CEMP1: variants seen among roughly 807,000 people sequenced by gnomAD.
CEMP1 encodes cementum protein 1.
For synonymous variants in CEMP1, 161 were observed against 128.6 expected (o/e 1.25, Z -1.71); for missense variants, 387 against 316.9 (o/e 1.22, Z -1.68).
At chr16:2,530,368 C>CT in intron 1 of CEMP1, 1 of 1,614,212 alleles carries the variant, frequency 6.2e-7, no homozygotes, top group Non-Finnish European at 8.5e-7. Context: ...TCTGTGTCCC[C>CT]TTGGCCCTGG....
In CEMP1 at chr16:2,530,664, T is replaced by C. The variant is rs1567134963; in HGVS notation, c.410A>G (p.His137Arg). 8 of 1,614,120 alleles carry C rather than the reference T, an allele frequency of 5.0e-6. No homozygotes were observed. The highest frequency in any genetic ancestry group is 6.8e-6 in the Non-Finnish European group (8 of 1,180,022). Reference protein sequence around the residue: ...QTILSLWTWRHFLNWALQQRE... With the variant: ...QTILSLWTWRRFLNWALQQRE... ...CTGCTGCAAAGCCCAGTTAAGGAAA[T>C]GTCTCCAGGTCCAAAGAGATAGGAT... The change falls in exon 1 of 1, where the codon CAT (histidine) becomes CGT (arginine). Residue 137 changes from histidine (H) to arginine (R), a missense_variant. His to Arg is a conservative substitution (Grantham distance 29). Coordinates refer to ENST00000567119, the MANE Select transcript of CEMP1 (RefSeq NM_001048212.3).
At position 2,531,154 on chromosome 16, in the gene CEMP1, G is replaced by T. The variant is rs1183818558; in HGVS notation, c.-81C>A. The T allele has an allele frequency of 6.0e-6, 9 of 1,502,418 alleles. No homozygotes were observed. The South Asian group carries it at 1.0e-4, about 17-fold the overall frequency. The allele number at this position is 1,502,418 out of a possible 1,614,324, so 93.1% of individuals were successfully genotyped here. On this transcript the variant is annotated 5_prime_UTR_variant, in exon 1 of 1. Coordinates refer to ENST00000567119, the MANE Select transcript of CEMP1 (RefSeq NM_001048212.3). The stretch of plus-strand genomic sequence containing the variant: ...CCAGTCCAGAGCTGGTGAGCCCTGG[G>T]CCAGCCTTTGGGCCTGGCCTGCCCC...
Position 2,531,321 on chromosome 16 carries a change from C to A in CEMP1, c.-248G>T. 3.7e-6 allele frequency: 2 copies of A among 542,476 alleles called. 1 individual carries two copies. The highest frequency in any genetic ancestry group is 6.3e-5 in the South Asian group (2 of 31,554). 33.6% of individuals were successfully genotyped at this position (542,476 alleles called of 1,614,324 possible). On this transcript the variant is annotated 5_prime_UTR_variant, in exon 1 of 1. Coordinates refer to ENST00000567119, the MANE Select transcript of CEMP1 (RefSeq NM_001048212.3). ...AGAGAGCTGGGCCAGGGAGCTGCTG[C>A]AGGATGATTTTGAGGTGTGGGGGAA...
rs780787745 is a variant in CEMP1, at chr16:2,530,916, A to G, written c.158T>C (p.Leu53Pro). 5 of 1,613,312 alleles carry G rather than the reference A, an allele frequency of 3.1e-6. No individual in the cohort carries two copies. Among genetic ancestry groups the G allele is most frequent in the Non-Finnish European group, 4.2e-6 (5 of 1,179,976 alleles). ...CTTGACGGCCGCGCACCCCTTAGGA[A>G]GTGGCTGTCCAGCGCCTGCCTGTGC... Reference protein sequence around the residue: ...GPAQAGAGQPLPKGCAAVKAE... With the variant: ...GPAQAGAGQPPPKGCAAVKAE... The change falls in exon 1 of 1, where the codon CTT becomes CCT. Residue 53 changes from leucine to proline, a missense_variant. Leu to Pro is a moderately conservative substitution (Grantham distance 98). Coordinates refer to ENST00000567119, the MANE Select transcript of CEMP1 (RefSeq NM_001048212.3).
chr16:2,530,151 C>A lies in CEMP1; in HGVS notation c.*179G>T, dbSNP rs1368734856. 1 of 1,424,082 alleles carries A rather than the reference C, an allele frequency of 7.0e-7. No homozygotes were observed. Among genetic ancestry groups the A allele is most frequent in the Non-Finnish European group, 9.3e-7 (1 of 1,079,508 alleles). The allele number at this position is 1,424,082 out of a possible 1,614,324, so 88.2% of individuals were successfully genotyped here. On this transcript the variant is annotated 3_prime_UTR_variant, in exon 1 of 1. Coordinates refer to ENST00000567119, the MANE Select transcript of CEMP1 (RefSeq NM_001048212.3). ...TGACCTCCAGGAGGGAGACTGGGCC[C>A]GGGACCCCTGTTTTCTGCTCCCTGG...
In CEMP1 at chr16:2,530,388, A is replaced by G. The variant is rs748239195; in HGVS notation, c.686T>C (p.Met229Thr). ...GTCCCCTTGGCCCTGGCACACACCC[A>G]TGTGGCAAACACGGGCCGTGAGGCT... ...SGSLTARVCH[M>T]GVCQGQGDTE... The change falls in exon 1 of 1, where the codon ATG becomes ACG. Residue 229 changes from methionine (M) to threonine (T), a missense_variant. Met to Thr is a moderately conservative substitution (Grantham distance 81). Coordinates refer to ENST00000567119, the MANE Select transcript of CEMP1 (RefSeq NM_001048212.3). 1.2e-6 allele frequency: 2 copies of G among 1,614,128 alleles called. No individual in the cohort carries two copies. The highest frequency in any genetic ancestry group is 1.3e-5 in the African/African-American group (1 of 75,044).
Position 2,531,244 on chromosome 16 carries a change from G to C in CEMP1, c.-171C>G. On this transcript the variant is annotated 5_prime_UTR_variant, in exon 1 of 1. Transcript: ENST00000567119. The stretch of plus-strand genomic sequence containing the variant: ...GGGGAGGGGCTGGCAGAGATGGTTG[G>C]TCCACAGGGCTAGCCCTGGGTGGTG... 1.2e-6 allele frequency: 1 copy of C among 836,702 alleles called. No homozygotes were observed. Among genetic ancestry groups the C allele is most frequent in the Non-Finnish European group, 1.9e-6 (1 of 540,206 alleles). The allele number at this position is 836,702 out of a possible 1,614,324, so 51.8% of individuals were successfully genotyped here. A position where few individuals can be genotyped will look rare whatever the true frequency, so the allele number is the denominator to read the frequency against.
Position 2,530,461 on chromosome 16 carries a change from T to G in CEMP1, c.613A>C (p.Arg205=). Residue 205 remains arginine (R), a synonymous_variant, in exon 1 of 1, where the codon AGA becomes CGA. Transcript: ENST00000567119. ...LTSDPTVAVL[R]AKRAPEAHPP... ...TGGGCTTCTGGAGCCCTCTTGGCTC[T>G]GAGGACAGCCACAGTGGGGTCAGAC... 1 of 1,614,158 alleles carries G rather than the reference T, an allele frequency of 6.2e-7. No homozygotes were observed. Among genetic ancestry groups the G allele is most frequent in the Non-Finnish European group, 8.5e-7 (1 of 1,180,018 alleles).
In CEMP1 at chr16:2,531,194, G is replaced by T; in HGVS notation, c.-121C>A. ...TGGCCTGCCCCATTCACCGGCCAGCGCCCCACCTCCCTGGCTGGAGGGTCG... is the reference window on the plus strand; with the variant it reads ...TGGCCTGCCCCATTCACCGGCCAGCTCCCCACCTCCCTGGCTGGAGGGTCG... On this transcript the variant is annotated 5_prime_UTR_variant, in exon 1 of 1. Transcript: ENST00000567119. 7.7e-7 allele frequency: 1 copy of T among 1,302,616 alleles called. No homozygotes were observed. Among genetic ancestry groups the T allele is most frequent in the Non-Finnish European group, 1.0e-6 (1 of 956,824 alleles). 80.7% of individuals were successfully genotyped at this position (1,302,616 alleles called of 1,614,324 possible).
rs546298668 is a variant in CEMP1, at chr16:2,531,011, T to C, written c.63A>G (p.Thr21=). 6 of 1,612,428 alleles carry C rather than the reference T, an allele frequency of 3.7e-6. No individual in the cohort carries two copies. Among genetic ancestry groups the C allele is most frequent in the South Asian group, 1.1e-5 (1 of 91,002 alleles). The part of the protein sequence containing the change: ...AGHRRCSTSN[T]SAENLTCLSL... ...AGAGGCAGGTGAGGTTCTCAGCCGA[T>C]GTGTTAGAGGTTGAGCATCGCCTGT... The change falls in exon 1 of 1, where the codon ACA becomes ACG. Residue 21 remains threonine, a synonymous_variant. Transcript: ENST00000567119.
At position 2,531,118 on chromosome 16, in the gene CEMP1, A is replaced by AGACGG. The variant is rs1350770322; in HGVS notation, c.-50_-46dup. ...CTGGCATGTTGGTCATCCCCACCTC[A>AGACGG]GACGGGACGCCCAGTCCAGAGCTGG... On this transcript the variant is annotated 5_prime_UTR_variant, in exon 1 of 1. An upstream open reading frame in the 5' UTR loses its in-frame stop. Transcript: ENST00000567119. The AGACGG allele has an allele frequency of 6.5e-7, 1 of 1,537,562 alleles. No homozygotes were observed. Among genetic ancestry groups the AGACGG allele is most frequent in the South Asian group, 1.2e-5 (1 of 81,350 alleles).
rs1597002830 is a variant in CEMP1, at chr16:2,531,059, G to C, written c.15C>G (p.Ser5Arg). MGTS[S>R]TDSQQAGHRR... ...TGTGCCCAGCTTGCTGGCTGTCAGTGCTTGATGTGCCCATCCTCAGCTAAA... is the reference window on the plus strand; with the variant it reads ...TGTGCCCAGCTTGCTGGCTGTCAGTCCTTGATGTGCCCATCCTCAGCTAAA... The change falls in exon 1 of 1, where the codon AGC (serine) becomes AGG (arginine). Residue 5 changes from serine to arginine, a missense_variant. Transcript: ENST00000567119. The C allele has an allele frequency of 6.3e-7, 1 of 1,592,904 alleles. No homozygotes were observed. Among genetic ancestry groups the C allele is most frequent in the East Asian group, 2.2e-5 (1 of 44,476 alleles).
intron 1 of CEMP1, chr16:2,530,769 T>TG: frequency 6.2e-7 from 1 of 1,613,450 alleles, no homozygotes; most frequent in African/African-American, 1.3e-5. Context: ...AGGGAGGGCC[T>TG]GGGGCAGGGC....
Position 2,531,230 on chromosome 16 carries a change from G to A in CEMP1, c.-157C>T. On this transcript the variant is annotated 5_prime_UTR_variant, in exon 1 of 1. Transcript: ENST00000567119. ...CTGGCTGGAGGGTCGGGGAGGGGCT[G>A]GCAGAGATGGTTGGTCCACAGGGCT... The A allele has an allele frequency of 1.0e-6, 1 of 964,210 alleles. No individual in the cohort carries two copies. 59.7% of individuals were successfully genotyped at this position (964,210 alleles called of 1,614,324 possible). A position where few individuals can be genotyped will look rare whatever the true frequency, so the allele number is the denominator to read the frequency against.
In CEMP1 at chr16:2,531,225, G is replaced by A; in HGVS notation, c.-152C>T. On this transcript the variant is annotated 5_prime_UTR_variant, in exon 1 of 1. Coordinates refer to ENST00000567119, the MANE Select transcript of CEMP1 (RefSeq NM_001048212.3). ...CCTCCCTGGCTGGAGGGTCGGGGAGGGGCTGGCAGAGATGGTTGGTCCACA... is the reference window on the plus strand; with the variant it reads ...CCTCCCTGGCTGGAGGGTCGGGGAGAGGCTGGCAGAGATGGTTGGTCCACA... 9.7e-7 allele frequency: 1 copy of A among 1,027,936 alleles called. No homozygotes were observed. The highest frequency in any genetic ancestry group is 1.4e-6 in the Non-Finnish European group (1 of 713,504). The allele number at this position is 1,027,936 out of a possible 1,614,324, so 63.7% of individuals were successfully genotyped here. A position where few individuals can be genotyped will look rare whatever the true frequency, so the allele number is the denominator to read the frequency against.
In CEMP1 at chr16:2,530,752, TCGCCTGAGGGAG is replaced by T; in HGVS notation, c.310_321del (p.Leu104_Ala107del). On this transcript the variant is annotated inframe_deletion, in exon 1 of 1. Coordinates refer to ENST00000567119, the MANE Select transcript of CEMP1 (RefSeq NM_001048212.3). ...AAGAACCACCTGCCTGGGCAGGGCCTCGCCTGAGGGAGGGCCTGGGGCAGGGCACAAGGGGTT... is the reference window on the plus strand; with the variant it reads ...AAGAACCACCTGCCTGGGCAGGGCCTGGCCTGGGGCAGGGCACAAGGGGTT... The T allele has an allele frequency of 6.2e-7, 1 of 1,613,616 alleles. No homozygotes were observed. The highest frequency in any genetic ancestry group is 8.5e-7 in the Non-Finnish European group (1 of 1,179,840).
In CEMP1 at chr16:2,530,981, C is replaced by A. The variant is rs766962908; in HGVS notation, c.93G>T (p.Leu31=). 1 of 1,613,128 alleles carries A rather than the reference C, an allele frequency of 6.2e-7. No homozygotes were observed. The highest frequency in any genetic ancestry group is 1.7e-5 in the Admixed American group (1 of 60,000). Residue 31 remains leucine, a synonymous_variant, in exon 1 of 1, where the codon CTG becomes CTT. Transcript: ENST00000567119. The stretch of plus-strand genomic sequence containing the variant: ...GAGCTGTCTTGCCAGGGCTCCCAGG[C>A]AGGGAGAGGCAGGTGAGGTTCTCAG... ...TSAENLTCLS[L]PGSPGKTAPL... is the part of the protein sequence containing the mutation.
At position 2,530,281 on chromosome 16, in the gene CEMP1, A is replaced by G. The variant is rs188019179; in HGVS notation, c.*49T>C. ...GGCCCAGTGCTTGCCGGCTGTGGTG[A>G]CCCTGCCTGGTGCTGGAGGGCAGTA... On this transcript the variant is annotated 3_prime_UTR_variant, in exon 1 of 1. Transcript: ENST00000567119. The G allele has an allele frequency of 2.3e-4, 375 of 1,613,220 alleles. 2 individuals carry two copies. In the African/African-American group the frequency reaches 4.7e-3, roughly 20 times the overall value.
In CEMP1 at chr16:2,531,218, C is replaced by A; in HGVS notation, c.-145G>T. 9.2e-7 allele frequency: 1 copy of A among 1,082,778 alleles called. No homozygotes were observed. The highest frequency in any genetic ancestry group is 1.6e-5 in the South Asian group (1 of 61,690). 67.1% of individuals were successfully genotyped at this position (1,082,778 alleles called of 1,614,324 possible). On this transcript the variant is annotated 5_prime_UTR_variant, in exon 1 of 1. Coordinates refer to ENST00000567119, the MANE Select transcript of CEMP1 (RefSeq NM_001048212.3). ...CGCCCCACCTCCCTGGCTGGAGGGT[C>A]GGGGAGGGGCTGGCAGAGATGGTTG...
Sources: allele counts gnomAD v4.1 joint callset, GRCh38; gene constraint gnomAD v4.1.1; transcripts MANE v1.5; gene names NCBI Gene and HGNC (gene_info 2026-07-23, HGNC 2026-07-21).